The following KIF5A variants were observed in gnomAD, a reference collection of about 807,000 sequenced individuals.
The protein encoded by KIF5A is kinesin family member 5A, also known as kinesin heavy chain isoform 5A.
In KIF5A, 35 loss-of-function variants were observed where a neutral mutation model predicts 141.3. The ratio of observed to expected loss-of-function variants is 0.25; its 90% confidence interval spans 0.19 to 0.33. The LOEUF (loss-of-function observed/expected upper bound fraction) is 0.33, where lower values mean the gene tolerates loss of function less well. Ranked by LOEUF, KIF5A falls within the 10% of genes least tolerant of loss-of-function variation. KIF5A has a pLI of 1.00. For synonymous variants in KIF5A, 448 were observed against 500.2 expected, an observed-to-expected ratio of 0.90 and a Z score of 1.39; for missense variants, 861 against 1,314.3, an observed-to-expected ratio of 0.66 and a Z score of 5.33.
At chr12:57,561,816 A>C (rs1881916793) in intron 1 of KIF5A, among the ~76,000 whole-genome samples, 1 of 152,106 alleles carries the variant, frequency 6.6e-6, no homozygotes. Context: ...TTCCTTCTAG[A>C]AAAAAAATTC....
intron 15 of KIF5A, 70 bp from the exon 16 acceptor site, chr12:57,575,014 G>A: frequency 2.1e-6 from 3 of 1,446,064 alleles, no homozygotes; most frequent in Non-Finnish European, 2.9e-6. Context: ...TGGGTAGGTA[G>A]AAGGTGGGAG....
rs775172912 is a variant in KIF5A, at chr12:57,570,096, C to T, written c.1227C>T (p.Ile409=). ...ACAACTCATCCATCGTGGTGCGCAT[C>T]GCGCCCGAGGAGCGGCAGAAATACG... The part of the protein sequence containing the change: ...VNDNSSIVVR[I]APEERQKYEE... The change falls in exon 12 of 29, where the codon ATC becomes ATT. Residue 409 remains isoleucine, a synonymous_variant. Transcript: ENST00000455537. 9.9e-6 allele frequency: 16 copies of T among 1,614,054 alleles called. No homozygotes were observed. The highest frequency in any genetic ancestry group is 6.7e-5 in the African/African-American group (5 of 74,950).
intron 28 of KIF5A, among the ~76,000 whole-genome samples, chr12:57,583,506 C>T (rs1476753682): frequency 6.6e-6 from 1 of 152,160 alleles, no homozygotes; most frequent in Non-Finnish European, 1.5e-5. Flanking sequence ...AAGAAGTGAG[C>T]TTGGCCGCTG....
intron 1 of KIF5A, among the ~76,000 whole-genome samples, chr12:57,556,694 G>A (rs1207535249): frequency 6.7e-6 from 1 of 149,490 alleles, no homozygotes; most frequent in African/African-American, 2.5e-5. Context: ...CCATGTGTTT[G>A]TGGGGGGAGG....
In KIF5A at chr12:57,569,494, C is replaced by T. The variant is rs1250516020; in HGVS notation, c.969-41C>T. 6 of 1,613,878 alleles carry T rather than the reference C, an allele frequency of 3.7e-6. 1 individual carries two copies. The highest frequency in any genetic ancestry group is 1.6e-4 in the Middle Eastern group (1 of 6,062). ...TCTCTCCTCAGGGTCACCCAAGTCTCATGTTGCTCTCATTTCTTTGTTCCT... is the reference window on the plus strand; with the variant it reads ...TCTCTCCTCAGGGTCACCCAAGTCTTATGTTGCTCTCATTTCTTTGTTCCT... On this transcript the variant is annotated intron_variant, in intron 10 of 28. Transcript: ENST00000455537.
intron 15 of KIF5A, among the ~76,000 whole-genome samples, chr12:57,574,338 T>G: frequency 6.6e-6 from 1 of 150,940 alleles, no homozygotes; most frequent in East Asian, 2.0e-4. Context: ...AGTGGTGTGA[T>G]CTCAGCTCAC....
rs760380357 is a variant in KIF5A, at chr12:57,582,571, A to T, written c.2993-31A>T. 1.9e-6 allele frequency: 3 copies of T among 1,596,034 alleles called. No homozygotes were observed. In the Admixed American group the frequency reaches 5.0e-5, roughly 27 times the overall value. On this transcript the variant is annotated intron_variant, in intron 26 of 28. Transcript: ENST00000455537. Reference sequence around the variant, plus strand: ...ACCCAATCTCCTTTTTTCTTCTTCTAATCCTGTGTTCTCAATGATGATCTC... The same window carrying T: ...ACCCAATCTCCTTTTTTCTTCTTCTTATCCTGTGTTCTCAATGATGATCTC...
chr12:57,581,069 G>A lies in KIF5A; in HGVS notation c.2652G>A (p.Glu884=). The change falls in exon 24 of 29, where the codon GAG becomes GAA. Residue 884 remains glutamate, a synonymous_variant. Coordinates refer to ENST00000455537, the MANE Select transcript of KIF5A (RefSeq NM_004984.4). ...ALEGALKEAK[E]GAMKDKRRYQ... ...AGGGTGCACTGAAGGAGGCCAAGGA[G>A]GGCGCCATGAAGGACAAGCGCCGGT... 1.2e-6 allele frequency: 2 copies of A among 1,614,102 alleles called. No homozygotes were observed. The highest frequency in any genetic ancestry group is 1.7e-6 in the Non-Finnish European group (2 of 1,180,010).
intron 6 of KIF5A, 38 bp from the exon 7 acceptor site, chr12:57,567,088 A>T (rs1235341536): frequency 3.1e-6 from 4 of 1,279,524 alleles, no homozygotes; most frequent in Non-Finnish European, 4.5e-6. Context: ...AACTTAAAAA[A>T]CAAAGCTTAT....
intron 1 of KIF5A, among the ~76,000 whole-genome samples, chr12:57,558,599 G>A (rs1881817221): frequency 6.6e-6 from 1 of 152,178 alleles, no homozygotes; most frequent in African/African-American, 2.4e-5. Context: ...GCTTGAGCCC[G>A]GGAGGCAGAG....
At chr12:57,579,019 A>G (rs969903586) in intron 23 of KIF5A, among the ~76,000 whole-genome samples, 44 of 152,088 alleles carry the variant, frequency 2.9e-4, no homozygotes, top group Admixed American at 2.8e-3. Context: ...AGCTGTGATC[A>G]TGCCACTGCA....
intron 8 of KIF5A, among the ~76,000 whole-genome samples, chr12:57,568,276 G>A (rs548184890): frequency 6.6e-6 from 1 of 152,288 alleles, no homozygotes; most frequent in East Asian, 1.9e-4. Flanking sequence ...TTTGTAGTAT[G>A]TTCCCAAGGT....
At chr12:57,569,486 C>T (rs1882177314) in intron 10 of KIF5A, 49 bp from the exon 11 acceptor site, 1 of 1,613,604 alleles carries the variant, frequency 6.2e-7, no homozygotes, top group Non-Finnish European at 8.5e-7. Context: ...TCAGGGTCAC[C>T]CAAGTCTCAT....
intron 8 of KIF5A, among the ~76,000 whole-genome samples, chr12:57,567,933 A>G (rs1448593301): frequency 3.5e-5 from 5 of 142,432 alleles, no homozygotes; most frequent in African/African-American, 1.3e-4. Flanking sequence ...CCCAGGTTGG[A>G]GTGCAGTGGC....
intron 1 of KIF5A, among the ~76,000 whole-genome samples, chr12:57,554,836 C>T (rs1881683542): frequency 6.6e-6 from 1 of 152,148 alleles, no homozygotes; most frequent in African/African-American, 2.4e-5. Flanking sequence ...CTCACATGAA[C>T]TCATAAAGCG....
intron 23 of KIF5A, among the ~76,000 whole-genome samples, chr12:57,580,670 GTTC>G (rs1478871331): frequency 6.6e-6 from 1 of 152,222 alleles, no homozygotes; most frequent in African/African-American, 2.4e-5. Context: ...TCTCACAAGA[GTTC>G]TGGGCTGCAG....
rs757235645 is a variant in KIF5A, at chr12:57,570,102, C to T, written c.1233C>T (p.Pro411=). 2.4e-5 allele frequency: 39 copies of T among 1,614,094 alleles called. No homozygotes were observed. The highest frequency in any genetic ancestry group is 3.3e-4 in the Middle Eastern group (2 of 6,050). The change falls in exon 12 of 29, where the codon CCC becomes CCT. Residue 411 remains proline, a synonymous_variant. Coordinates refer to ENST00000455537, the MANE Select transcript of KIF5A (RefSeq NM_004984.4). ...DNSSIVVRIA[P]EERQKYEEEI... is the part of the protein sequence containing the mutation. ...CATCCATCGTGGTGCGCATCGCGCC[C>T]GAGGAGCGGCAGAAATACGAGGAGG...
In KIF5A at chr12:57,550,104, C is replaced by T; in HGVS notation, c.-168C>T. Reference sequence around the variant, plus strand: ...GCATCCCGCTGCCGCAGGAGAGAGACAGCGCGCCCCGGCCCTGCTCCCCAG... The same window carrying T: ...GCATCCCGCTGCCGCAGGAGAGAGATAGCGCGCCCCGGCCCTGCTCCCCAG... On this transcript the variant is annotated 5_prime_UTR_variant, in exon 1 of 29. Transcript: ENST00000455537. This position sits in a 1 kb window ranked among gnomAD's most constrained non-coding sequence, Gnocchi z 4.6. 1 of 848,600 alleles carries T rather than the reference C, an allele frequency of 1.2e-6. No individual in the cohort carries two copies. Among genetic ancestry groups the T allele is most frequent in the East Asian group, 2.6e-5 (1 of 38,348 alleles). 52.6% of individuals were successfully genotyped at this position (848,600 alleles called of 1,614,324 possible). A position where few individuals can be genotyped will look rare whatever the true frequency, so the allele number is the denominator to read the frequency against.
rs772785144 is a variant in KIF5A, at chr12:57,578,238, A to G, written c.2434A>G (p.Ser812Gly). Residue 812 changes from serine (S) to glycine (G), a missense_variant and splice_region_variant, in exon 23 of 29, where the codon AGT becomes GGT. Coordinates refer to ENST00000455537, the MANE Select transcript of KIF5A (RefSeq NM_004984.4). ...VQDVTTRVKKSAEMEPEDSGG... is the reference protein window; with the variant it reads ...VQDVTTRVKKGAEMEPEDSGG... ...CGTCTTTCCTTCTATCTGTTCTCAG[A>G]GTGCAGAAATGGAGCCCGAAGACAG... 2 of 1,613,214 alleles carry G rather than the reference A, an allele frequency of 1.2e-6. No individual in the cohort carries two copies. The highest frequency in any genetic ancestry group is 1.3e-5 in the African/African-American group (1 of 74,900).
Sources: gnomAD v4.1 joint callset for allele counts (sites outside exome capture counted in the v4.1 genomes callset) on GRCh38, gnomAD v4.1.1 for gene constraint, Gnocchi (gnomAD v3.1) non-coding constraint, MANE v1.5 for transcripts, NCBI Gene and HGNC (gene_info 2026-07-23, HGNC 2026-07-21) for gene names.